The following BCAT1 variants were observed in gnomAD, a reference collection of about 807,000 sequenced individuals.
The protein encoded by BCAT1 is branched chain amino acid transaminase 1, also known as branched-chain-amino-acid aminotransferase, cytosolic.
In BCAT1, 48 loss-of-function variants were observed where a neutral mutation model predicts 52.4. The ratio of observed to expected loss-of-function variants is 0.92; its 90% CI spans 0.73 to 1.16. The LOEUF is 1.16. Ranked by LOEUF, BCAT1 falls within the 50% of genes most tolerant of loss-of-function variation. The probability of loss-of-function intolerance (pLI) is 0.00; values close to 1 mark genes in which losing one functional copy is unlikely to be tolerated. For missense variants in BCAT1, 451 were observed against 457.1 expected, an observed-to-expected ratio of 0.99 and a Z score of 0.12; for synonymous variants, 167 against 161.3, an observed-to-expected ratio of 1.04 and a Z score of -0.27.
chr12:24,943,526 AGT>A (rs1478597175), intron 1 of BCAT1, among the ~76,000 whole-genome samples: 1 of 148,270 alleles, frequency 6.7e-6, no homozygotes, highest in Non-Finnish European at 1.5e-5. Context: ...AAATTTACAA[AGT>A]GGTGTCAGAC....
At chr12:24,935,734 T>G (rs1483942094) in intron 1 of BCAT1, among the ~76,000 whole-genome samples, 4 of 152,224 alleles carry the variant, frequency 2.6e-5, no homozygotes, top group Admixed American at 6.5e-5. Context: ...AATACTTTAC[T>G]TGGAAAGCTA....
chr12:24,893,617 T>A (rs989539268), intron 3 of BCAT1, among the ~76,000 whole-genome samples: 1 of 152,230 alleles, frequency 6.6e-6, no homozygotes, highest in African/African-American at 2.4e-5. Context: ...TATTACCATA[T>A]TTTAGCACTT....
rs1939891697 is a variant in BCAT1, at chr12:24,816,799, C to T, written c.*1209G>A. 1 of 383,040 alleles carries T rather than the reference C, an allele frequency of 2.6e-6. No homozygotes were observed. The highest frequency in any genetic ancestry group is 2.1e-5 in the African/African-American group (1 of 48,254). The allele number at this position is 383,040 out of a possible 1,614,324, so 23.7% of individuals were successfully genotyped here. A position where few individuals can be genotyped will look rare whatever the true frequency, so the allele number is the denominator to read the frequency against. ...AGGATGAAACTGTTACACCTCAGGT[C>T]ATCAAGCATTAGATTCTCATAAGGA... On this transcript the variant is annotated 3_prime_UTR_variant, in exon 11 of 11. Coordinates refer to ENST00000261192, the MANE Select transcript of BCAT1 (RefSeq NM_005504.7).
intron 10 of BCAT1, among the ~76,000 whole-genome samples, chr12:24,824,231 TTTCCTTCCTTCC>T (rs560798912): frequency 4.7e-5 from 1 of 21,074 alleles, no homozygotes; most frequent in East Asian, 1.5e-3. Context: ...TGAGTTTACA[TTTCCTTCCTTCC>T]TTCCTTCCTT....
At chr12:24,905,811 G>A (rs1397489166) in intron 1 of BCAT1, among the ~76,000 whole-genome samples, 1 of 151,730 alleles carries the variant, frequency 6.6e-6, no homozygotes, top group Non-Finnish European at 1.5e-5. Flanking sequence ...TGACAGAATT[G>A]AAGGTATTGG....
At chr12:24,938,496 C>T (rs939006526) in intron 1 of BCAT1, among the ~76,000 whole-genome samples, 1 of 152,118 alleles carries the variant, frequency 6.6e-6, no homozygotes, top group Admixed American at 6.6e-5. Context: ...AATGTGGAAA[C>T]AGTGACAAGG....
intron 5 of BCAT1, among the ~76,000 whole-genome samples, chr12:24,868,246 A>G (rs1942081329): frequency 6.6e-6 from 1 of 152,184 alleles, no homozygotes; most frequent in South Asian, 2.1e-4. Context: ...GTATAAAATA[A>G]TGTTACATCT....
intron 2 of BCAT1, among the ~76,000 whole-genome samples, chr12:24,900,213 G>A (rs545629826): frequency 1.3e-5 from 2 of 152,240 alleles, no homozygotes; most frequent in East Asian, 3.9e-4. Flanking sequence ...CTCATGTTTT[G>A]ATGTGTAAAT....
intron 5 of BCAT1, 63 bp downstream of exon 5, chr12:24,878,467 A>G (rs1942405898): frequency 2.1e-6 from 3 of 1,457,778 alleles, no homozygotes; most frequent in Admixed American, 2.3e-5. Context: ...AGAAGTTTCA[A>G]ACAACAATAA....
chr12:24,843,032 C>T (rs1345260681), intron 6 of BCAT1, among the ~76,000 whole-genome samples: 1 of 152,156 alleles, frequency 6.6e-6, no homozygotes, highest in Non-Finnish European at 1.5e-5. Flanking sequence ...TGCCTCCCTA[C>T]ACCCCTGGTT....
Position 24,926,223 on chromosome 12 carries a change from G to A in BCAT1, c.6+22704C>T, listed in dbSNP as rs576138876. ...TGCTGCCCCGTCTGGGAGGTGAGGA[G>A]CGCCTCTGCCCGGCCGCCCCGTCTG... On this transcript the variant is annotated intron_variant, in intron 1 of 10. Transcript: ENST00000261192. Among the ~76,000 whole-genome samples the A allele has an allele frequency of 2.2e-4, 33 of 151,440 alleles. 1 individual carries two copies. The Middle Eastern group carries it at 0.014, about 62-fold the overall frequency.
At chr12:24,829,015 A>ATAAG (rs546824959) in intron 10 of BCAT1, among the ~76,000 whole-genome samples, 1 of 123,228 alleles carries the variant, frequency 8.1e-6, no homozygotes, top group Non-Finnish European at 1.7e-5. Context: ...TCAAAAATAA[A>ATAAG]TAAGTAAATA....
chr12:24,881,166 A>G, intron 4 of BCAT1, 135 bp downstream of exon 4: 2 of 657,916 alleles, frequency 3.0e-6, no homozygotes, highest in Admixed American at 3.2e-5. Context: ...ACTAAAGTAG[A>G]TCAGAAATAA....
intron 1 of BCAT1, among the ~76,000 whole-genome samples, chr12:24,912,550 G>A (rs1013309627): frequency 1.3e-5 from 2 of 151,756 alleles, no homozygotes; most frequent in African/African-American, 4.8e-5. Context: ...GCCTGACAAT[G>A]AGCAATATAC....
At chr12:24,889,582 C>G (rs921134610) in intron 3 of BCAT1, among the ~76,000 whole-genome samples, 1 of 152,186 alleles carries the variant, frequency 6.6e-6, no homozygotes, top group Admixed American at 6.5e-5. Flanking sequence ...TGGCTGGTAA[C>G]TCCCATAGCC....
chr12:24,948,528 A>T (rs987366255), intron 1 of BCAT1, among the ~76,000 whole-genome samples: 1 of 152,214 alleles, frequency 6.6e-6, no homozygotes. Flanking sequence ...CACACGCTGC[A>T]GGAAAGCGCA....
chr12:24,912,717 A>T (rs973959670), intron 1 of BCAT1, among the ~76,000 whole-genome samples: 22 of 141,966 alleles, frequency 1.5e-4, no homozygotes, highest in South Asian at 9.0e-4. Flanking sequence ...AAAAAAAAAA[A>T]TGGAGAACGT....
chr12:24,935,218 A>T (rs1943734414), intron 1 of BCAT1, among the ~76,000 whole-genome samples: 2 of 152,110 alleles, frequency 1.3e-5, no homozygotes, highest in African/African-American at 2.4e-5. Context: ...ACCACCTCTC[A>T]TTGGATCTTT....
At chr12:24,889,418 C>A (rs1278381488) in intron 3 of BCAT1, among the ~76,000 whole-genome samples, 1 of 152,202 alleles carries the variant, frequency 6.6e-6, no homozygotes, top group Non-Finnish European at 1.5e-5. Context: ...AATGGCCGAA[C>A]AATATTTCCA....
Sources: gnomAD v4.1 joint callset for allele counts (sites outside exome capture counted in the v4.1 genomes callset) on GRCh38, gnomAD v4.1.1 for gene constraint, MANE v1.5 for transcripts, NCBI Gene and HGNC (gene_info 2026-07-23, HGNC 2026-07-21) for gene names.